Variants in SCG5 observed in about 807,000 individuals in gnomAD.
The protein encoded by SCG5 is secretogranin V.
A neutral mutation model predicts 25.7 loss-of-function variants in SCG5; 18 were observed. That is an observed-to-expected ratio of 0.70 (90% CI 0.48 to 1.04). The LOEUF (loss-of-function observed/expected upper bound fraction) is 1.04, where lower values mean the gene tolerates loss of function less well. Ranked by LOEUF, SCG5 falls within the 50% of genes least tolerant of loss-of-function variation. The probability of loss-of-function intolerance (pLI) is 0.00; values close to 1 mark genes in which losing one functional copy is unlikely to be tolerated. For synonymous variants in SCG5, 101 were observed against 91.7 expected (o/e 1.10, Z -0.58); for missense variants, 206 against 259.8 (o/e 0.79, Z 1.42).
chr15:32,688,651 G>C (rs2054770012), intron 4 of SCG5, among the ~76,000 whole-genome samples: 1 of 152,116 alleles, frequency 6.6e-6, no homozygotes, highest in African/African-American at 2.4e-5. Flanking sequence ...GGTTTCTCTG[G>C]TGTAAAATTC....
At position 32,643,765 on chromosome 15, in the gene SCG5, T is replaced by G; in HGVS notation, c.173T>G (p.Val58Gly). ...MEQLGIARPR[V>G]EYPAHQAMNL... ...CAATTGGGCATTGCCAGGCCCCGAG[T>G]GGAATATCCAGCTCACCAGGCCATG... The change falls in exon 2 of 6, where the codon GTG (valine) becomes GGG (glycine). Residue 58 changes from valine (V) to glycine (G), a missense_variant. Transcript: ENST00000300175. The G allele has an allele frequency of 6.2e-7, 1 of 1,613,904 alleles. No individual in the cohort carries two copies. Among genetic ancestry groups the G allele is most frequent in the Non-Finnish European group, 8.5e-7 (1 of 1,179,876 alleles).
At chr15:32,655,923 C>T (rs1408011908) in intron 2 of SCG5, among the ~76,000 whole-genome samples, 1 of 152,214 alleles carries the variant, frequency 6.6e-6, no homozygotes, top group East Asian at 1.9e-4. Context: ...TGGACCAAGA[C>T]AGTGTGCCTT....
chr15:32,659,066 C>T (rs1340359052), intron 2 of SCG5, among the ~76,000 whole-genome samples: 1 of 152,118 alleles, frequency 6.6e-6, no homozygotes, highest in Non-Finnish European at 1.5e-5. Flanking sequence ...GTCCCAGCTA[C>T]TCGGGAGGCT....
intron 2 of SCG5, among the ~76,000 whole-genome samples, chr15:32,677,018 G>A (rs2054542470): frequency 6.6e-6 from 1 of 151,922 alleles, no homozygotes; most frequent in African/African-American, 2.4e-5. Context: ...TTGATAAATT[G>A]GCTATATTTA....
At chr15:32,676,953 G>A (rs564444555) in intron 2 of SCG5, among the ~76,000 whole-genome samples, 2 of 152,146 alleles carry the variant, frequency 1.3e-5, no homozygotes, top group South Asian at 2.1e-4. Flanking sequence ...ATCAGATTAT[G>A]ATAGACTAGA....
intron 2 of SCG5, among the ~76,000 whole-genome samples, chr15:32,662,607 C>T (rs1445384496): frequency 6.6e-6 from 1 of 151,990 alleles, no homozygotes. Context: ...CTTAAAACTA[C>T]AGTTCTTTAA....
chr15:32,647,848 C>T (rs1176682085), intron 2 of SCG5, among the ~76,000 whole-genome samples: 2 of 152,090 alleles, frequency 1.3e-5, no homozygotes, highest in Admixed American at 1.3e-4. Flanking sequence ...TTGTTAGTTT[C>T]GTTTACAGGT....
intron 2 of SCG5, among the ~76,000 whole-genome samples, chr15:32,649,380 C>G (rs2053998191): frequency 6.6e-6 from 1 of 152,118 alleles, no homozygotes; most frequent in Non-Finnish European, 1.5e-5. Context: ...AGGTTCTTGC[C>G]ATGAGCTTAG....
intron 2 of SCG5, among the ~76,000 whole-genome samples, chr15:32,648,873 G>A (rs949337711): frequency 6.6e-6 from 1 of 151,440 alleles, no homozygotes; most frequent in Non-Finnish European, 1.5e-5. Context: ...CCGGGTTCTC[G>A]CCATTCTCCT....
intron 5 of SCG5, among the ~76,000 whole-genome samples, chr15:32,696,139 A>G (rs1275062888): frequency 6.6e-6 from 1 of 150,850 alleles, no homozygotes; most frequent in African/African-American, 2.4e-5. Context: ...TTTTTTTGAG[A>G]CAAAATCTTG....
In SCG5 at chr15:32,643,947, T is replaced by C. The variant is rs72715242; in HGVS notation, c.226+129T>C. 65,688 of 743,398 alleles carry C rather than the reference T, an allele frequency of 0.088. 3,379 individuals are homozygous for C. The highest frequency in any genetic ancestry group is 0.11 in the Non-Finnish European group (50,945 of 462,242). The allele number at this position is 743,398 out of a possible 1,614,324, so 46.1% of individuals were successfully genotyped here. ...ATTTTTTTCAGAGGAGGAAGCTAATTTTTAAGAGACTCTACTTTCTCATGG... is the reference window on the plus strand; with the variant it reads ...ATTTTTTTCAGAGGAGGAAGCTAATCTTTAAGAGACTCTACTTTCTCATGG... On this transcript the variant is annotated intron_variant, in intron 2 of 5. Coordinates refer to ENST00000300175, the MANE Select transcript of SCG5 (RefSeq NM_001144757.3).
At chr15:32,683,905 TG>T (rs1308398146) in intron 3 of SCG5, among the ~76,000 whole-genome samples, 1 of 152,186 alleles carries the variant, frequency 6.6e-6, no homozygotes, top group Non-Finnish European at 1.5e-5. Flanking sequence ...GAAAACAGAG[TG>T]GGTCATGTGC....
intron 4 of SCG5, 93 bp downstream of exon 4, chr15:32,684,762 G>A: frequency 2.7e-6 from 2 of 754,684 alleles, no homozygotes; most frequent in South Asian, 3.5e-5. Flanking sequence ...AAGGAGAGAA[G>A]AAAAATTATT....
chr15:32,649,401 G>A (rs72715244), intron 2 of SCG5, among the ~76,000 whole-genome samples: 19,721 of 152,148 alleles, frequency 0.13, 1,448 homozygotes, highest in Middle Eastern at 0.17. Context: ...TGATAATGTG[G>A]TGAGCAAAAA....
At chr15:32,696,204 G>A (rs988761767) in intron 5 of SCG5, among the ~76,000 whole-genome samples, 48 of 151,962 alleles carry the variant, frequency 3.2e-4, no homozygotes, top group African/African-American at 1.1e-3. Flanking sequence ...TGCAAGCTCC[G>A]CCTCCCGGGT....
intron 5 of SCG5, among the ~76,000 whole-genome samples, chr15:32,695,729 A>T (rs1433717381): frequency 6.6e-6 from 1 of 152,100 alleles, no homozygotes; most frequent in African/African-American, 2.4e-5. Context: ...GTTAATTCCC[A>T]CTTGGCCCTA....
intron 2 of SCG5, among the ~76,000 whole-genome samples, chr15:32,670,734 A>C (rs1186719998): frequency 6.6e-6 from 1 of 152,252 alleles, no homozygotes; most frequent in Non-Finnish European, 1.5e-5. Flanking sequence ...ATTGGAGAGC[A>C]AGCTCCTTGA....
rs1053106731 is a variant in SCG5, at chr15:32,695,617, G to T, written c.544-897G>T. Among the ~76,000 whole-genome samples, 3 of 152,154 alleles carry T rather than the reference G, an allele frequency of 2.0e-5. No homozygotes were observed. The South Asian group carries it at 6.2e-4, about 32-fold the overall frequency. The stretch of plus-strand genomic sequence containing the variant: ...AGTTTTTGAATTTGACTGAAGGAAG[G>T]TGGAAATGATCACTCGAGCCCCTAA... On this transcript the variant is annotated intron_variant, in intron 5 of 5. Transcript: ENST00000300175.
chr15:32,657,199 G>A (rs1478779477), intron 2 of SCG5, among the ~76,000 whole-genome samples: 3 of 6,700 alleles, frequency 4.5e-4, no homozygotes, highest in Admixed American at 2.3e-3. Flanking sequence ...TCATCCTCCT[G>A]TATATATATA....
Sources: gnomAD v4.1 joint callset for allele counts (sites outside exome capture counted in the v4.1 genomes callset) on GRCh38, gnomAD v4.1.1 for gene constraint, MANE v1.5 for transcripts, NCBI Gene and HGNC (gene_info 2026-07-23, HGNC 2026-07-21) for gene names.